C2orf66: variants seen among roughly 807,000 people sequenced by gnomAD.
The protein encoded by C2orf66 is chromosome 2 open reading frame 66, also known as uncharacterized protein C2orf66.
A neutral mutation model predicts 7.0 loss-of-function variants in C2orf66; 6 were observed. The ratio of observed to expected loss-of-function variants is 0.86; its 90% CI spans 0.47 to 1.69. C2orf66 has a LOEUF of 1.69. C2orf66 is among the 40% of genes most tolerant of loss of function. C2orf66 has a pLI of 0.01. For missense variants in C2orf66, 107 were observed against 112.0 expected, an observed-to-expected ratio of 0.96 and a Z score of 0.20; for synonymous variants, 38 against 43.8, an observed-to-expected ratio of 0.87 and a Z score of 0.52.
chr2:196,818,575 G>A, the C2orf66 span, among the ~76,000 whole-genome samples: 154 of 152,290 alleles, frequency 1.0e-3, no homozygotes, highest in African/African-American at 3.4e-3. Context: ...CAGCTAAGAT[G>A]GAGGAGTAGA....
chr2:196,807,763 G>A, intron 1 of C2orf66, 141 bp from the exon 2 acceptor site: 1 of 672,702 alleles, frequency 1.5e-6, no homozygotes, highest in Non-Finnish European at 2.5e-6. Flanking sequence ...AGAAATACAA[G>A]TACATGCTTC....
the C2orf66 span, among the ~76,000 whole-genome samples, chr2:196,817,473 G>T: frequency 6.6e-6 from 1 of 152,002 alleles, no homozygotes; most frequent in Non-Finnish European, 1.5e-5. Flanking sequence ...CTGACCTTGT[G>T]ATCTGCCCAC....
At chr2:196,805,827 T>C (rs1261210428) in intron 2 of C2orf66, among the ~76,000 whole-genome samples, 1 of 152,246 alleles carries the variant, frequency 6.6e-6, no homozygotes, top group African/African-American at 2.4e-5. Flanking sequence ...TATTAATAAC[T>C]ATTCTCTGAT....
chr2:196,812,013 C>T (rs941007389), upstream of C2orf66, among the ~76,000 whole-genome samples: 1 of 152,010 alleles, frequency 6.6e-6, no homozygotes, highest in African/African-American at 2.4e-5. Flanking sequence ...TTAGAAGGGA[C>T]TGGATGGAGA....
At chr2:196,816,109 G>A in the C2orf66 span, among the ~76,000 whole-genome samples, 911 of 152,268 alleles carry the variant, frequency 6.0e-3, 4 homozygotes, top group African/African-American at 0.021. Flanking sequence ...TAAACCTCTT[G>A]TGATAAACAG....
In C2orf66 at chr2:196,805,246, T is replaced by C. The variant is rs780271716; in HGVS notation, c.*182A>G. The C allele has an allele frequency of 6.6e-6, 1 of 152,160 alleles. No individual in the cohort carries two copies. The highest frequency in any genetic ancestry group is 3.2e-3 in the Middle Eastern group (1 of 316). The allele number at this position is 152,160 out of a possible 1,614,324, so 9.4% of individuals were successfully genotyped here. ...ACTCCATAAATATGCATAGAAATCA[T>C]AGTTCCAGCGATTTATATGTAAATA... On this transcript the variant is annotated 3_prime_UTR_variant, in exon 3 of 3. Transcript: ENST00000342506.
At chr2:196,819,390 C>G in the C2orf66 span, among the ~76,000 whole-genome samples, 1 of 152,110 alleles carries the variant, frequency 6.6e-6, no homozygotes, top group Non-Finnish European at 1.5e-5. Context: ...ACTCTCCTGC[C>G]CTTTTTCTGC....
At chr2:196,818,228 G>A in the C2orf66 span, among the ~76,000 whole-genome samples, 23 of 152,004 alleles carry the variant, frequency 1.5e-4, no homozygotes, top group South Asian at 4.2e-4. Flanking sequence ...AGGAGGCCCC[G>A]TGCCAACTAG....
At chr2:196,814,836 TTA>T in the C2orf66 span, among the ~76,000 whole-genome samples, 27 of 152,356 alleles carry the variant, frequency 1.8e-4, no homozygotes, top group Non-Finnish European at 3.5e-4. Context: ...TAAGAAATAT[TTA>T]TAGTTTCTCA....
chr2:196,816,192 T>C, the C2orf66 span, among the ~76,000 whole-genome samples: 1 of 152,108 alleles, frequency 6.6e-6, no homozygotes, highest in Non-Finnish European at 1.5e-5. Flanking sequence ...GGCTCACCCC[T>C]CATATTCTGG....
At chr2:196,831,044 T>C in the C2orf66 span, among the ~76,000 whole-genome samples, 1 of 152,206 alleles carries the variant, frequency 6.6e-6, no homozygotes, top group Non-Finnish European at 1.5e-5. Context: ...ATCAGGTCTT[T>C]GGGCCAGATA....
At chr2:196,806,943 A>G (rs1201423817) in intron 2 of C2orf66, among the ~76,000 whole-genome samples, 1 of 152,128 alleles carries the variant, frequency 6.6e-6, no homozygotes, top group Non-Finnish European at 1.5e-5. Flanking sequence ...ACTAATAGTC[A>G]ACCTTTTCTT....
the C2orf66 span, among the ~76,000 whole-genome samples, chr2:196,821,928 C>CTTTTTTT: frequency 2.4e-3 from 78 of 32,282 alleles, 28 homozygotes; most frequent in Admixed American, 2.9e-3. Context: ...AACCAGTGAG[C>CTTTTTTT]TTTTTTTTTT....
At chr2:196,825,726 C>CACTTTCATGTTTTT in the C2orf66 span, among the ~76,000 whole-genome samples, 1 of 152,164 alleles carries the variant, frequency 6.6e-6, no homozygotes, top group Non-Finnish European at 1.5e-5. Flanking sequence ...AGACATAATT[C>CACTTTCATGTTTTT]ACTTTCATGT....
the C2orf66 span, among the ~76,000 whole-genome samples, chr2:196,818,155 G>A: frequency 4.5e-4 from 69 of 152,268 alleles, no homozygotes; most frequent in African/African-American, 1.1e-3. Context: ...CCTCTGCTGC[G>A]GCTCCAGCCA....
chr2:196,827,888 A>T, the C2orf66 span, among the ~76,000 whole-genome samples: 1 of 152,206 alleles, frequency 6.6e-6, no homozygotes, highest in Non-Finnish European at 1.5e-5. Context: ...AGCTCTGCAA[A>T]ACCTGAAGCT....
chr2:196,806,498 A>G (rs941973136), intron 2 of C2orf66, among the ~76,000 whole-genome samples: 8 of 150,960 alleles, frequency 5.3e-5, no homozygotes, highest in East Asian at 2.0e-4. Flanking sequence ...CGCCCGGCCA[A>G]TCATGCTTGT....
chr2:196,815,878 T>G, the C2orf66 span, among the ~76,000 whole-genome samples: 1 of 152,202 alleles, frequency 6.6e-6, no homozygotes, highest in Non-Finnish European at 1.5e-5. Flanking sequence ...ACATAAAATT[T>G]AATCTCTTTT....
At chr2:196,808,280 A>T (rs547312288) in intron 1 of C2orf66, among the ~76,000 whole-genome samples, 1 of 152,328 alleles carries the variant, frequency 6.6e-6, no homozygotes, top group Admixed American at 6.5e-5. Context: ...ACTTTTGAAT[A>T]TATGCAAATT....
Sources: gnomAD v4.1 joint callset for allele counts (sites outside exome capture counted in the v4.1 genomes callset) on GRCh38, gnomAD v4.1.1 for gene constraint, MANE v1.5 for transcripts, NCBI Gene and HGNC (gene_info 2026-07-23, HGNC 2026-07-21) for gene names.